ADAMTS3: variants seen among roughly 807,000 people sequenced by gnomAD.
ADAMTS3 encodes A disintegrin and metalloproteinase with thrombospondin motifs 3.
ADAMTS3 carries 73 observed loss-of-function variants against 129.0 expected under a neutral mutation model. That is an observed-to-expected ratio of 0.57 (90% confidence interval 0.47 to 0.69). ADAMTS3 has a LOEUF of 0.69. Ranked by LOEUF, ADAMTS3 falls within the 30% of genes least tolerant of loss-of-function variation. The probability of loss-of-function intolerance (pLI) is 0.00; values close to 1 mark genes in which losing one functional copy is unlikely to be tolerated. For missense variants in ADAMTS3, 1,457 were observed against 1,514.5 expected (o/e 0.96, Z 0.63); for synonymous variants, 477 against 510.8 (o/e 0.93, Z 0.89).
At chr4:72,565,681 C>A (rs1722005180) in intron 2 of ADAMTS3, among the ~76,000 whole-genome samples, 1 of 152,220 alleles carries the variant, frequency 6.6e-6, no homozygotes, top group African/African-American at 2.4e-5. Flanking sequence ...TTCAGCACTA[C>A]ACCCTAAGAG....
chr4:72,342,698 T>C (rs1720170822), intron 4 of ADAMTS3, among the ~76,000 whole-genome samples: 1 of 152,074 alleles, frequency 6.6e-6, no homozygotes. Flanking sequence ...ATAGCATCAC[T>C]ATTGTGGAAT....
intron 5 of ADAMTS3, among the ~76,000 whole-genome samples, chr4:72,325,348 A>G (rs1018745586): frequency 6.6e-5 from 10 of 152,172 alleles, no homozygotes; most frequent in African/African-American, 2.4e-4. Flanking sequence ...TGAAAAGTGA[A>G]TCAAATCTTC....
At position 72,336,823 on chromosome 4, in the gene ADAMTS3, G is replaced by A. The variant is rs984992991; in HGVS notation, c.861+2671C>T. On this transcript the variant is annotated intron_variant, in intron 5 of 21. Coordinates refer to ENST00000286657, the MANE Select transcript of ADAMTS3 (RefSeq NM_014243.3). ...CTGAGCAGCATCCCAGGCCTCTGTCGCTATTAGCAGTAGCATCCCCCTCCA... is the reference window on the plus strand; with the variant it reads ...CTGAGCAGCATCCCAGGCCTCTGTCACTATTAGCAGTAGCATCCCCCTCCA... Among the ~76,000 whole-genome samples, 12 of 152,108 alleles carry A rather than the reference G, an allele frequency of 7.9e-5. No individual in the cohort carries two copies. In the East Asian group the frequency reaches 2.3e-3, roughly 30 times the overall value.
At chr4:72,297,515 C>T (rs1452007207) in intron 18 of ADAMTS3, among the ~76,000 whole-genome samples, 5 of 152,118 alleles carry the variant, frequency 3.3e-5, no homozygotes, top group African/African-American at 4.8e-5. Context: ...TTTGTAACAG[C>T]CTCTTGCCTT....
At chr4:72,398,521 G>T (rs1721786639) in intron 4 of ADAMTS3, among the ~76,000 whole-genome samples, 1 of 152,202 alleles carries the variant, frequency 6.6e-6, no homozygotes, top group South Asian at 2.1e-4. Flanking sequence ...GTTGCAGTGA[G>T]CTGAGATCGT....
intron 3 of ADAMTS3, among the ~76,000 whole-genome samples, chr4:72,450,632 C>T (rs1296314387): frequency 6.6e-6 from 1 of 151,622 alleles, no homozygotes; most frequent in Non-Finnish European, 1.5e-5. Flanking sequence ...CATGATTACA[C>T]CATCTAAGAA....
chr4:72,519,030 C>T (rs1190853884), intron 3 of ADAMTS3, among the ~76,000 whole-genome samples: 2 of 150,830 alleles, frequency 1.3e-5, no homozygotes, highest in African/African-American at 4.9e-5. Context: ...TAGGGCAGGC[C>T]TGGTGGTGAC....
chr4:72,429,877 G>T (rs1433267197), intron 3 of ADAMTS3, among the ~76,000 whole-genome samples: 1 of 151,972 alleles, frequency 6.6e-6, no homozygotes, highest in Non-Finnish European at 1.5e-5. Context: ...CTCCTGGACA[G>T]TGTTTTTCAA....
At chr4:72,460,523 T>C (rs1185133486) in intron 3 of ADAMTS3, among the ~76,000 whole-genome samples, 1 of 151,280 alleles carries the variant, frequency 6.6e-6, no homozygotes, top group Non-Finnish European at 1.5e-5. Flanking sequence ...TTTTAAAAAT[T>C]CCTTGAAAAA....
chr4:72,344,367 C>T (rs982219500), intron 4 of ADAMTS3, among the ~76,000 whole-genome samples: 5 of 151,842 alleles, frequency 3.3e-5, no homozygotes, highest in African/African-American at 7.3e-5. Flanking sequence ...GGACAGGAGA[C>T]GAAGGTAAAA....
At chr4:72,568,044 G>A (rs1722062066) in intron 1 of ADAMTS3, 1 of 153,204 alleles carries the variant, frequency 6.5e-6, no homozygotes, top group Admixed American at 6.5e-5. Flanking sequence ...AGGAGGAGTT[G>A]TGCAGAGGGG....
At chr4:72,546,643 T>A (rs540386586) in intron 3 of ADAMTS3, among the ~76,000 whole-genome samples, 135 of 152,170 alleles carry the variant, frequency 8.9e-4, no homozygotes, top group African/African-American at 3.0e-3. Flanking sequence ...TTGAAAAAAA[T>A]CCAATTTCTT....
At chr4:72,370,513 T>C (rs981740893) in intron 4 of ADAMTS3, among the ~76,000 whole-genome samples, 12 of 152,190 alleles carry the variant, frequency 7.9e-5, no homozygotes, top group African/African-American at 2.2e-4. Flanking sequence ...GTGTGTCTTT[T>C]ATTTTCCCCT....
At chr4:72,547,936 A>C (rs1169716602) in intron 3 of ADAMTS3, among the ~76,000 whole-genome samples, 1 of 152,148 alleles carries the variant, frequency 6.6e-6, no homozygotes, top group East Asian at 1.9e-4. Flanking sequence ...GAAAATGAAG[A>C]ATTGAAGCCA....
intron 3 of ADAMTS3, among the ~76,000 whole-genome samples, chr4:72,506,244 T>A (rs1578742637): frequency 6.6e-6 from 1 of 152,162 alleles, no homozygotes; most frequent in South Asian, 2.1e-4. Context: ...AGCCTGGAGA[T>A]CTGCCTGGCT....
chr4:72,377,809 AG>A, intron 4 of ADAMTS3, among the ~76,000 whole-genome samples: 1 of 152,258 alleles, frequency 6.6e-6, no homozygotes, highest in East Asian at 1.9e-4. Flanking sequence ...GCTCAGAAAA[AG>A]GGCATTTTCT....
intron 4 of ADAMTS3, among the ~76,000 whole-genome samples, chr4:72,344,564 C>A (rs1202503335): frequency 1.3e-5 from 2 of 152,118 alleles, no homozygotes; most frequent in Non-Finnish European, 2.9e-5. Context: ...CCCAATCTCC[C>A]TGTGACTAAG....
chr4:72,412,788 C>T (rs1427591372), intron 4 of ADAMTS3, among the ~76,000 whole-genome samples: 1 of 151,948 alleles, frequency 6.6e-6, no homozygotes, highest in African/African-American at 2.4e-5. Flanking sequence ...TGAAACTTGT[C>T]TCAAAATATA....
At chr4:72,496,466 A>G (rs567252712) in intron 3 of ADAMTS3, among the ~76,000 whole-genome samples, 2 of 152,112 alleles carry the variant, frequency 1.3e-5, no homozygotes, top group Non-Finnish European at 1.5e-5. Flanking sequence ...ATCCTTTCCA[A>G]CCTCTGTAAT....
Sources: allele counts gnomAD v4.1 joint callset (sites outside exome capture counted in the v4.1 genomes callset), GRCh38; gene constraint gnomAD v4.1.1; transcripts MANE v1.5; gene names NCBI Gene and HGNC (gene_info 2026-07-23, HGNC 2026-07-21).